PDS5B: variants seen among roughly 807,000 people sequenced by gnomAD.
The protein encoded by PDS5B is sister chromatid cohesion protein PDS5 homolog B.
In PDS5B, 51 loss-of-function variants were observed where a neutral mutation model predicts 184.1. That is an observed-to-expected ratio of 0.28 (90% CI 0.22 to 0.35). The LOEUF is 0.35. Among genes scored for constraint, PDS5B ranks in the 10% least tolerant of loss-of-function variants. The pLI is 1.00. For missense variants in PDS5B, 1,180 were observed against 1,723.3 expected, an observed-to-expected ratio of 0.68 and a Z score of 5.58; for synonymous variants, 566 against 569.2, an observed-to-expected ratio of 0.99 and a Z score of 0.08.
chr13:32,741,939 T>C (rs1953573728), intron 22 of PDS5B, among the ~76,000 whole-genome samples: 1 of 152,096 alleles, frequency 6.6e-6, no homozygotes, highest in Non-Finnish European at 1.5e-5. Flanking sequence ...AAAGCAGCAC[T>C]GGACTAGAAG....
intron 28 of PDS5B, among the ~76,000 whole-genome samples, chr13:32,759,257 T>C (rs767399404): frequency 2.0e-5 from 3 of 152,062 alleles, no homozygotes; most frequent in Non-Finnish European, 4.4e-5. Context: ...ACCTTACCAG[T>C]GTATAGAGAT....
intron 1 of PDS5B, among the ~76,000 whole-genome samples, chr13:32,605,352 GTTGT>G (rs1448402855): frequency 1.3e-5 from 2 of 152,150 alleles, no homozygotes; most frequent in Non-Finnish European, 1.5e-5. Context: ...TCAGGAGCTG[GTTGT>G]TCAGTTTCCA....
At chr13:32,648,695 T>C in intron 1 of PDS5B, 59 bp from the exon 2 acceptor site, 1 of 722,440 alleles carries the variant, frequency 1.4e-6, no homozygotes, top group Non-Finnish European at 2.5e-6. Flanking sequence ...ACCATTTATG[T>C]TTGTTAAGAA....
At chr13:32,615,504 G>A (rs1183941201) in intron 1 of PDS5B, among the ~76,000 whole-genome samples, 4 of 152,078 alleles carry the variant, frequency 2.6e-5, no homozygotes, top group African/African-American at 9.7e-5. Context: ...AAGAATAGAT[G>A]GCTCCTACTG....
intron 10 of PDS5B, among the ~76,000 whole-genome samples, chr13:32,681,774 G>A (rs1440790310): frequency 2.0e-5 from 3 of 151,978 alleles, no homozygotes; most frequent in Non-Finnish European, 4.4e-5. Flanking sequence ...TTATCCGTGT[G>A]AACCTTATAC....
At chr13:32,603,425 T>C (rs1440645160) in intron 1 of PDS5B, among the ~76,000 whole-genome samples, 2 of 152,230 alleles carry the variant, frequency 1.3e-5, no homozygotes. Flanking sequence ...GTATTATTTC[T>C]GAAGGTTCTT....
chr13:32,730,913 C>T (rs888807373), intron 19 of PDS5B, among the ~76,000 whole-genome samples: 3 of 152,164 alleles, frequency 2.0e-5, no homozygotes, highest in Non-Finnish European at 4.4e-5. Context: ...TTGACTTCCT[C>T]TCTTCCTACT....
At chr13:32,731,742 C>T in intron 19 of PDS5B, among the ~76,000 whole-genome samples, 1 of 152,044 alleles carries the variant, frequency 6.6e-6, no homozygotes, top group East Asian at 1.9e-4. Context: ...AAAGAAGAGA[C>T]AGTGTCAGTT....
At chr13:32,670,842 G>T (rs545687432) in intron 7 of PDS5B, among the ~76,000 whole-genome samples, 3 of 152,150 alleles carry the variant, frequency 2.0e-5, no homozygotes, top group Non-Finnish European at 4.4e-5. Context: ...CACCTGCAAT[G>T]CTTGGGTGGT....
intron 30 of PDS5B, among the ~76,000 whole-genome samples, chr13:32,761,423 TAGTG>T (rs1484883770): frequency 2.0e-5 from 3 of 152,180 alleles, no homozygotes; most frequent in South Asian, 4.1e-4. Flanking sequence ...TGCATCCAGA[TAGTG>T]AGTATAGTAC....
intron 14 of PDS5B, among the ~76,000 whole-genome samples, chr13:32,696,107 T>G (rs539544882): frequency 6.6e-6 from 1 of 152,262 alleles, no homozygotes; most frequent in East Asian, 1.9e-4. Flanking sequence ...TATTACGCTT[T>G]AACTCTCAGT....
At chr13:32,651,770 G>A (rs773359258) in intron 2 of PDS5B, 34 bp from the exon 3 acceptor site, 835 of 1,299,804 alleles carry the variant, frequency 6.4e-4, no homozygotes, top group Non-Finnish European at 7.8e-4. Flanking sequence ...TTTACATGGA[G>A]CATTTCATTA....
At chr13:32,759,066 C>T (rs1018286469) in intron 28 of PDS5B, among the ~76,000 whole-genome samples, 1 of 152,094 alleles carries the variant, frequency 6.6e-6, no homozygotes, top group Non-Finnish European at 1.5e-5. Flanking sequence ...AAGAGTGTTA[C>T]CAAACCATGC....
At chr13:32,726,126 CCTTT>C (rs1210666307) in intron 19 of PDS5B, among the ~76,000 whole-genome samples, 1 of 147,698 alleles carries the variant, frequency 6.8e-6, no homozygotes, top group Non-Finnish European at 1.5e-5. Flanking sequence ...CTAACCTATT[CCTTT>C]CTTCCCTGTA....
At chr13:32,633,450 G>A (rs2058489683) in intron 1 of PDS5B, among the ~76,000 whole-genome samples, 1 of 152,114 alleles carries the variant, frequency 6.6e-6, no homozygotes, top group Non-Finnish European at 1.5e-5. Flanking sequence ...TCCGTGTTTG[G>A]ACAACACTGT....
intron 1 of PDS5B, among the ~76,000 whole-genome samples, chr13:32,626,099 C>T (rs778195341): frequency 3.9e-5 from 6 of 152,166 alleles, no homozygotes; most frequent in Non-Finnish European, 8.8e-5. Flanking sequence ...CTCGGCCTCC[C>T]AAAGTGCTGG....
Position 32,696,889 on chromosome 13 carries a change from G to A in PDS5B, c.1587G>A (p.Val529=). ...DASVKAIFSK[V]MVITRNLPDP... ...GTGTCAAGGCCATATTTTCAAAAGT[G>A]ATGGTTATTACAAGTAAGTTATTTT... The change falls in exon 15 of 35, where the codon GTG becomes GTA. Residue 529 remains valine (V), a synonymous_variant. Transcript: ENST00000315596. 6.4e-7 allele frequency: 1 copy of A among 1,567,650 alleles called. No homozygotes were observed.
chr13:32,661,450 C>A, intron 6 of PDS5B, among the ~76,000 whole-genome samples: 1 of 141,398 alleles, frequency 7.1e-6, no homozygotes. Context: ...AAATATAAAC[C>A]TTGATTGAAT....
At chr13:32,751,378 A>G (rs771280295) in intron 24 of PDS5B, among the ~76,000 whole-genome samples, 21 of 152,232 alleles carry the variant, frequency 1.4e-4, no homozygotes, top group Non-Finnish European at 2.8e-4. Context: ...TATACCCAGT[A>G]ATGGGATTGC....
Sources: allele counts gnomAD v4.1 joint callset (sites outside exome capture counted in the v4.1 genomes callset), GRCh38; gene constraint gnomAD v4.1.1; transcripts MANE v1.5; gene names NCBI Gene and HGNC (gene_info 2026-07-23, HGNC 2026-07-21).